The following CDH10 variants were observed in gnomAD, a reference collection of about 807,000 sequenced individuals.
CDH10 encodes the protein cadherin 10.
CDH10 carries 30 observed loss-of-function variants against 73.1 expected under a neutral mutation model. That is an observed-to-expected ratio of 0.41 (90% CI 0.31 to 0.56). The LOEUF (loss-of-function observed/expected upper bound fraction) is 0.56, where lower values mean the gene tolerates loss of function less well. Among genes scored for constraint, CDH10 ranks in the 20% least tolerant of loss-of-function variants. CDH10 has a pLI of 0.27. For synonymous variants in CDH10, 345 were observed against 348.2 expected (o/e 0.99, Z 0.10); for missense variants, 815 against 973.7 (o/e 0.84, Z 2.17).
intron 11 of CDH10, 85 bp from the exon 12 acceptor site, chr5:24,488,238 T>C: frequency 8.8e-7 from 1 of 1,140,424 alleles, no homozygotes; most frequent in South Asian, 1.6e-5. Context: ...GAGTTTAAGT[T>C]ACTCAGGCTT....
At chr5:24,575,456 A>C (rs1579830865) in intron 2 of CDH10, among the ~76,000 whole-genome samples, 1 of 152,060 alleles carries the variant, frequency 6.6e-6, no homozygotes, top group Non-Finnish European at 1.5e-5. Flanking sequence ...AATTACGTTA[A>C]GATACTTTAC....
chr5:24,626,587 T>A (rs377246554), intron 1 of CDH10, among the ~76,000 whole-genome samples: 1 of 152,022 alleles, frequency 6.6e-6, no homozygotes, highest in African/African-American at 2.4e-5. Flanking sequence ...ATAACTTTGA[T>A]GTAGATTTCT....
At chr5:24,551,542 C>G (rs905721352) in intron 2 of CDH10, among the ~76,000 whole-genome samples, 2 of 152,046 alleles carry the variant, frequency 1.3e-5, no homozygotes, top group African/African-American at 4.8e-5. Context: ...TTTTTCTAAG[C>G]CAGTGTCATC....
intron 2 of CDH10, among the ~76,000 whole-genome samples, chr5:24,562,082 A>G (rs1480629942): frequency 1.3e-5 from 2 of 152,148 alleles, no homozygotes; most frequent in Non-Finnish European, 2.9e-5. Context: ...AATAATATAG[A>G]TGTAGAAGTT....
intron 1 of CDH10, among the ~76,000 whole-genome samples, chr5:24,626,262 CTT>C (rs1366093279): frequency 2.0e-5 from 3 of 152,044 alleles, no homozygotes; most frequent in African/African-American, 4.8e-5. Flanking sequence ...GAAGTAAACT[CTT>C]GATTCATTTT....
chr5:24,600,187 A>G (rs1252104982), intron 1 of CDH10, among the ~76,000 whole-genome samples: 1 of 152,210 alleles, frequency 6.6e-6, no homozygotes, highest in Non-Finnish European at 1.5e-5. Flanking sequence ...GATCAATCCC[A>G]AAATATAGAA....
intron 2 of CDH10, among the ~76,000 whole-genome samples, chr5:24,552,671 CT>C (rs892056451): frequency 1.3e-5 from 2 of 152,106 alleles, no homozygotes; most frequent in Admixed American, 6.6e-5. Flanking sequence ...TTCTCCACCC[CT>C]CAATGATTAA....
At chr5:24,490,505 CATTT>C (rs1742013557) in intron 11 of CDH10, among the ~76,000 whole-genome samples, 1 of 152,024 alleles carries the variant, frequency 6.6e-6, no homozygotes. Context: ...TCAATTCATT[CATTT>C]AATGATTTAT....
At chr5:24,543,480 A>C (rs1744229130) in intron 2 of CDH10, among the ~76,000 whole-genome samples, 1 of 152,160 alleles carries the variant, frequency 6.6e-6, no homozygotes, top group Admixed American at 6.6e-5. Flanking sequence ...CGAAATTATT[A>C]AATAGATTTT....
intron 2 of CDH10, among the ~76,000 whole-genome samples, chr5:24,560,677 A>G (rs1224557711): frequency 2.6e-5 from 4 of 152,062 alleles, no homozygotes; most frequent in Non-Finnish European, 5.9e-5. Context: ...TTTTCAAGGA[A>G]TCTTGGCTGC....
At chr5:24,544,132 A>T (rs933573186) in intron 2 of CDH10, among the ~76,000 whole-genome samples, 1 of 152,136 alleles carries the variant, frequency 6.6e-6, no homozygotes. Context: ...CGTCTCTACT[A>T]AAAATACAAA....
In CDH10 at chr5:24,584,444, CCT is replaced by C. The variant is rs1491176191; in HGVS notation, c.231+8814_231+8815del. Among the ~76,000 whole-genome samples, 4 of 50,312 alleles carry C rather than the reference CCT, an allele frequency of 8.0e-5. No homozygotes were observed. In the Admixed American group the frequency reaches 1.0e-3, roughly 13 times the overall value. 33.0% of individuals were successfully genotyped at this position (50,312 alleles called of 152,430 possible). On this transcript the variant is annotated intron_variant, in intron 2 of 11. Transcript: ENST00000264463. ...TGTTCACGTTCACATCCTTTCTTTT[CCT>C]TTTTTTTTTTTTTTTTTTTGTGTGT...
intron 11 of CDH10, among the ~76,000 whole-genome samples, chr5:24,489,138 C>A (rs536911256): frequency 6.6e-6 from 1 of 151,916 alleles, no homozygotes; most frequent in East Asian, 1.9e-4. Flanking sequence ...GATGGGAAGA[C>A]TCTTACTGGA....
chr5:24,587,935 G>T (rs572578694), intron 2 of CDH10, among the ~76,000 whole-genome samples: 2 of 152,242 alleles, frequency 1.3e-5, no homozygotes, highest in South Asian at 4.1e-4. Flanking sequence ...CATTGTATGC[G>T]TTTTGAGAAT....
At position 24,509,814 on chromosome 5, in the gene CDH10, G is replaced by C. The variant is rs1010395181; in HGVS notation, c.1008C>G (p.Leu336=). Residue 336 remains leucine (L), a synonymous_variant, in exon 7 of 12, where the codon CTC becomes CTG. Coordinates refer to ENST00000264463, the MANE Select transcript of CDH10 (RefSeq NM_006727.5). ...QEGIITVKKP[L]DYESRRLYTL... The stretch of plus-strand genomic sequence containing the variant: ...TATAAAGTCTTCGGCTCTCATAGTC[G>C]AGTGGCTGTATAAAAAAATAAATCA... The C allele has an allele frequency of 6.2e-7, 1 of 1,601,142 alleles. No individual in the cohort carries two copies. The highest frequency in any genetic ancestry group is 8.5e-7 in the Non-Finnish European group (1 of 1,174,788).
In CDH10 at chr5:24,537,879, T is replaced by C. The variant is rs538777533; in HGVS notation, c.232-205A>G. Among the ~76,000 whole-genome samples the C allele has an allele frequency of 7.9e-5, 12 of 152,166 alleles. No individual in the cohort carries two copies. In the South Asian group the frequency reaches 2.5e-3, roughly 32 times the overall value. ...AGCCTTTTATATATCAGGATACTTT[T>C]TATTCTAAATGAAAAAAATGTAATA... is the stretch of plus-strand genomic sequence containing the variant. On this transcript the variant is annotated intron_variant, in intron 2 of 11. Coordinates refer to ENST00000264463, the MANE Select transcript of CDH10 (RefSeq NM_006727.5).
chr5:24,586,847 T>A (rs1321010478), intron 2 of CDH10, among the ~76,000 whole-genome samples: 1 of 131,156 alleles, frequency 7.6e-6, no homozygotes, highest in Admixed American at 7.6e-5. Flanking sequence ...CATATTCTTT[T>A]TTTTTTTTTT....
At position 24,575,355 on chromosome 5, in the gene CDH10, C is replaced by CAAA. The variant is rs751333761; in HGVS notation, c.231+17902_231+17904dup. ...CCAGCCTGGGCAACAACAAAAACAA[C>CAAA]AAAAAAAAAAAAAAAAAAGGAAAAA... is the stretch of plus-strand genomic sequence containing the variant. On this transcript the variant is annotated intron_variant, in intron 2 of 11. Transcript: ENST00000264463. Among the ~76,000 whole-genome samples, 964 of 123,742 alleles carry CAAA rather than the reference C, an allele frequency of 7.8e-3. 22 individuals carry two copies. The highest frequency in any genetic ancestry group is 0.059 in the East Asian group (255 of 4,312). The allele number at this position is 123,742 out of a possible 152,430, so 81.2% of individuals were successfully genotyped here.
At chr5:24,575,538 A>C (rs533499365) in intron 2 of CDH10, among the ~76,000 whole-genome samples, 9 of 151,974 alleles carry the variant, frequency 5.9e-5, no homozygotes, top group Non-Finnish European at 1.0e-4. Flanking sequence ...GGTTTTTGTT[A>C]AAATATAATA....
Sources: gnomAD v4.1 joint callset for allele counts (sites outside exome capture counted in the v4.1 genomes callset) on GRCh38, gnomAD v4.1.1 for gene constraint, MANE v1.5 for transcripts, NCBI Gene and HGNC (gene_info 2026-07-23, HGNC 2026-07-21) for gene names.